The following GABBR2 variants were observed in gnomAD, a reference collection of about 807,000 sequenced individuals.
GABBR2 encodes G-protein coupled receptor 51.
In GABBR2, 23 loss-of-function variants were observed where a neutral mutation model predicts 105.6. The observed-to-expected ratio is 0.22, with a 90% CI of 0.16 to 0.31. GABBR2 has a LOEUF of 0.31. Among genes scored for constraint, GABBR2 ranks in the 10% least tolerant of loss-of-function variants. The pLI, the probability that GABBR2 is intolerant of heterozygous loss-of-function variation, is 1.00. For synonymous variants in GABBR2, 478 were observed against 499.7 expected, an observed-to-expected ratio of 0.96 and a Z score of 0.58; for missense variants, 734 against 1,245.5, an observed-to-expected ratio of 0.59 and a Z score of 6.18.
At chr9:98,394,061 T>C (rs1476082979) in intron 9 of GABBR2, 114 bp downstream of exon 9, 2 of 730,286 alleles carry the variant, frequency 2.7e-6, no homozygotes, top group African/African-American at 3.4e-5. Context: ...GTTGAGGATG[T>C]TCCCTTGACC....
In GABBR2 at chr9:98,454,390, G is replaced by C. The variant is rs1042056408; in HGVS notation, c.1000-173C>G. 6.6e-6 allele frequency among the ~76,000 whole-genome samples: 1 copy of C among 152,106 alleles called. No homozygotes were observed. Among genetic ancestry groups the C allele is most frequent in the East Asian group, 1.9e-4 (1 of 5,176 alleles). On this transcript the variant is annotated intron_variant, in intron 6 of 18. Coordinates refer to ENST00000259455, the MANE Select transcript of GABBR2 (RefSeq NM_005458.8). The surrounding 1 kb of genome is among the most constrained non-coding windows in gnomAD (Gnocchi z 4.6). ...ACAACAACCTCATAAGGTGGGTACT[G>C]TTATTGTCCCCATTTTACAGACCCC...
chr9:98,378,483 C>T (rs1831917278), intron 11 of GABBR2, among the ~76,000 whole-genome samples: 2 of 152,200 alleles, frequency 1.3e-5, no homozygotes, highest in Admixed American at 6.5e-5. Flanking sequence ...GCTTCTGGTG[C>T]TCCCATTTAT....
chr9:98,696,995 G>A (rs1830761252), intron 1 of GABBR2, among the ~76,000 whole-genome samples: 1 of 152,084 alleles, frequency 6.6e-6, no homozygotes, highest in Non-Finnish European at 1.5e-5. Flanking sequence ...ATTGCCGCTT[G>A]TTTTTATCGG....
At chr9:98,310,944 T>G in intron 14 of GABBR2, 151 bp downstream of exon 14, 3 of 570,322 alleles carry the variant, frequency 5.3e-6, no homozygotes, top group East Asian at 2.9e-5. Context: ...CTGCAGGAAC[T>G]GAGATAGCAT....
intron 1 of GABBR2, among the ~76,000 whole-genome samples, chr9:98,681,949 C>T (rs748876996): frequency 1.8e-4 from 28 of 152,284 alleles, no homozygotes; most frequent in South Asian, 1.5e-3. Context: ...GGGCCAGATG[C>T]GATGGCTTAT....
intron 3 of GABBR2, among the ~76,000 whole-genome samples, chr9:98,510,769 A>G (rs1315379689): frequency 6.6e-6 from 1 of 152,066 alleles, no homozygotes; most frequent in Non-Finnish European, 1.5e-5. Flanking sequence ...AGATTCATAA[A>G]GCAAGTCCTG....
At chr9:98,614,346 A>G (rs1462138615) in intron 1 of GABBR2, among the ~76,000 whole-genome samples, 1 of 152,144 alleles carries the variant, frequency 6.6e-6, no homozygotes, top group Non-Finnish European at 1.5e-5. Flanking sequence ...CAACATGGTG[A>G]AATCCCACCT....
At chr9:98,560,465 GCACA>G (rs753117164) in intron 2 of GABBR2, among the ~76,000 whole-genome samples, 7 of 141,910 alleles carry the variant, frequency 4.9e-5, no homozygotes, top group South Asian at 2.3e-4. Flanking sequence ...ATATATACAT[GCACA>G]CACACACACA....
intron 2 of GABBR2, among the ~76,000 whole-genome samples, chr9:98,560,521 TACAC>T (rs1396941421): frequency 6.0e-5 from 9 of 150,936 alleles, no homozygotes; most frequent in African/African-American, 1.2e-4. Flanking sequence ...CATACACACA[TACAC>T]ACACACAGGC....
chr9:98,406,098 T>C lies in GABBR2; in HGVS notation c.1280A>G (p.Lys427Arg). Residue 427 changes from lysine (K) to arginine (R), a missense_variant, in exon 8 of 19, where the codon AAA (lysine) becomes AGA (arginine). Physicochemically the swap from Lys to Arg is conservative, Grantham distance 26 (BLOSUM62 2). Coordinates refer to ENST00000259455, the MANE Select transcript of GABBR2 (RefSeq NM_005458.8). ...ATGCCTACCTTGAAATTGAGTAAAT[T>C]TAATGGTCCCCATTCTCTCCCCATT... ...FRNGERMGTI[K>R]FTQFQDSREV... The C allele has an allele frequency of 5.1e-6, 8 of 1,575,918 alleles. No individual in the cohort carries two copies. The highest frequency in any genetic ancestry group is 6.9e-6 in the Non-Finnish European group (8 of 1,151,732).
At chr9:98,430,288 CAAAAAA>C (rs55760467) in intron 7 of GABBR2, among the ~76,000 whole-genome samples, 1 of 88,970 alleles carries the variant, frequency 1.1e-5, no homozygotes, top group Non-Finnish European at 2.2e-5. Flanking sequence ...GACTCCGTCT[CAAAAAA>C]AAAAAAAAAA....
intron 1 of GABBR2, among the ~76,000 whole-genome samples, chr9:98,678,059 G>T (rs926856363): frequency 6.6e-6 from 1 of 152,048 alleles, no homozygotes; most frequent in Non-Finnish European, 1.5e-5. Flanking sequence ...CGGAACTCTC[G>T]TTTTGTTCAT....
At chr9:98,431,688 T>C (rs545714836) in intron 7 of GABBR2, among the ~76,000 whole-genome samples, 1 of 151,662 alleles carries the variant, frequency 6.6e-6, no homozygotes, top group Non-Finnish European at 1.5e-5. Context: ...TGTCTGTTTT[T>C]TTTTGTTTTG....
chr9:98,683,904 A>C (rs1830583701), intron 1 of GABBR2, among the ~76,000 whole-genome samples: 1 of 150,052 alleles, frequency 6.7e-6, no homozygotes, highest in African/African-American at 2.4e-5. Flanking sequence ...GCTACTCGGG[A>C]GGCTGAGGCA....
chr9:98,661,351 G>A (rs1313168637), intron 1 of GABBR2, among the ~76,000 whole-genome samples: 1 of 152,096 alleles, frequency 6.6e-6, no homozygotes, highest in African/African-American at 2.4e-5. Context: ...TCGTGCCTTG[G>A]AGTGTTCATC....
At chr9:98,507,312 G>C in intron 3 of GABBR2, among the ~76,000 whole-genome samples, 1 of 151,858 alleles carries the variant, frequency 6.6e-6, no homozygotes, top group South Asian at 2.1e-4. Context: ...TGATCCCAAG[G>C]GTCTTTATAA....
chr9:98,327,903 CT>C (rs1830952051), intron 13 of GABBR2, among the ~76,000 whole-genome samples: 1 of 151,228 alleles, frequency 6.6e-6, no homozygotes, highest in Non-Finnish European at 1.5e-5. Flanking sequence ...AACTGCAGAA[CT>C]TTCCAGAGCC....
At chr9:98,432,557 T>C (rs904043503) in intron 7 of GABBR2, among the ~76,000 whole-genome samples, 1 of 152,146 alleles carries the variant, frequency 6.6e-6, no homozygotes, top group African/African-American at 2.4e-5. Context: ...CTGCATGAAT[T>C]TGACAAGCTA....
At chr9:98,514,836 C>T (rs1168703506) in intron 3 of GABBR2, among the ~76,000 whole-genome samples, 1 of 152,162 alleles carries the variant, frequency 6.6e-6, no homozygotes, top group Non-Finnish European at 1.5e-5. Flanking sequence ...GCTGTCTGAG[C>T]CCCATCCCTG....
Sources: allele counts gnomAD v4.1 joint callset (sites outside exome capture counted in the v4.1 genomes callset), GRCh38; gene constraint gnomAD v4.1.1; non-coding constraint Gnocchi (gnomAD v3.1); transcripts MANE v1.5; gene names NCBI Gene and HGNC (gene_info 2026-07-23, HGNC 2026-07-21).